Variants in DIP2C observed in about 807,000 individuals in gnomAD.
DIP2C encodes DIP2 acetate--CoA ligase C (putative), also known as disco-interacting protein 2 homolog C.
In DIP2C, 33 loss-of-function variants were observed where a neutral mutation model predicts 192.4. The ratio of observed to expected loss-of-function variants is 0.17; its 90% CI spans 0.13 to 0.23. The LOEUF is 0.23. Ranked by LOEUF, DIP2C falls within the 10% of genes least tolerant of loss-of-function variation. The pLI is 1.00. For missense variants in DIP2C, 1,537 were observed against 2,110.1 expected (o/e 0.73, Z 5.32); for synonymous variants, 979 against 864.1 (o/e 1.13, Z -2.33).
chr10:472,620 A>G, intron 2 of DIP2C, 71 bp from the exon 3 acceptor site: 1 of 1,324,396 alleles, frequency 7.6e-7, no homozygotes. Flanking sequence ...CTAACAAATC[A>G]TGCCCTCCAT....
Position 281,221 on chromosome 10 carries a change from G to C in DIP2C, c.4397C>G (p.Ala1466Gly). Reference protein sequence around the residue: ...PIDIETSVIRAHKSVTECAVF... With the variant: ...PIDIETSVIRGHKSVTECAVF... ...TTACCATTCCGTAACGCTTTTATGG[G>C]CTCTGATGACCGAGGTCTCAATGTC... Residue 1466 changes from alanine to glycine, a missense_variant, in exon 36 of 37, where the codon GCC (alanine) becomes GGC (glycine). Physicochemically the swap from Ala to Gly is moderately conservative, Grantham distance 60. Transcript: ENST00000280886. The C allele has an allele frequency of 6.2e-7, 1 of 1,614,092 alleles. No individual in the cohort carries two copies. Among genetic ancestry groups the C allele is most frequent in the Non-Finnish European group, 8.5e-7 (1 of 1,180,010 alleles).
intron 17 of DIP2C, among the ~76,000 whole-genome samples, chr10:379,339 G>A (rs1962106806): frequency 6.6e-6 from 1 of 151,966 alleles, no homozygotes. Flanking sequence ...GCGGGATACT[G>A]GAGGTTCCAT....
At chr10:625,397 T>C (rs1854133279) in intron 1 of DIP2C, among the ~76,000 whole-genome samples, 1 of 152,216 alleles carries the variant, frequency 6.6e-6, no homozygotes, top group Non-Finnish European at 1.5e-5. Context: ...AATTAAACAC[T>C]GTTCGGAGGC....
chr10:348,813 C>CA lies in DIP2C; in HGVS notation c.3110-52dup, dbSNP rs1958647549. The CA allele has an allele frequency of 5.6e-6, 9 of 1,602,022 alleles. No homozygotes were observed. The East Asian group carries it at 2.0e-4, about 36-fold the overall frequency. ...TTGAAGCAGACCACGCTGCTGAGTG[C>CA]ACACTCTCCCTGTCAGCATCAATGC... On this transcript the variant is annotated intron_variant, in intron 25 of 36. Coordinates refer to ENST00000280886, the MANE Select transcript of DIP2C (RefSeq NM_014974.3).
In DIP2C at chr10:276,991, G is replaced by A. The variant is rs532546822; in HGVS notation, c.*334C>T. The A allele has an allele frequency of 3.8e-4, 85 of 224,066 alleles. No homozygotes were observed. Among genetic ancestry groups the A allele is most frequent in the Non-Finnish European group, 5.5e-4 (62 of 112,734 alleles). The allele number at this position is 224,066 out of a possible 1,614,324, so 13.9% of individuals were successfully genotyped here. On this transcript the variant is annotated 3_prime_UTR_variant, in exon 37 of 37. Coordinates refer to ENST00000280886, the MANE Select transcript of DIP2C (RefSeq NM_014974.3). ...AGGATATTTTTTTAATTGCTATTTC[G>A]GCTTAACAAAATACCACATTTACGA...
At chr10:415,964 C>T in intron 6 of DIP2C, 76 bp from the exon 7 acceptor site, 1 of 1,594,746 alleles carries the variant, frequency 6.3e-7, no homozygotes, top group South Asian at 1.1e-5. Context: ...CACAGTCCCA[C>T]AGCCCCCTCC....
chr10:286,859 A>AGG (rs1955166322), intron 33 of DIP2C, among the ~76,000 whole-genome samples: 1 of 152,210 alleles, frequency 6.6e-6, no homozygotes, highest in African/African-American at 2.4e-5. Context: ...TGACGTTTTC[A>AGG]GGGGTAAGCA....
rs2119127491 is a variant in DIP2C at position 689,596 on chromosome 10, C to A, written c.-18G>T. On this transcript the variant is annotated 5_prime_UTR_variant, in exon 1 of 37. Coordinates refer to ENST00000280886, the MANE Select transcript of DIP2C (RefSeq NM_014974.3). The surrounding 1 kb of genome is among the most constrained non-coding windows in gnomAD (Gnocchi z 6.1). ...TCCGCCATGCTCCGCGGGCGCCGCG[C>A]CCCGCACGGCCTCCTCTTTGTTCGC... 2.6e-6 allele frequency: 3 copies of A among 1,134,542 alleles called. No individual in the cohort carries two copies. The highest frequency in any genetic ancestry group is 4.8e-5 in the Admixed American group (1 of 20,988). 70.3% of individuals were successfully genotyped at this position (1,134,542 alleles called of 1,614,324 possible). A position where few individuals can be genotyped will look rare whatever the true frequency, so the allele number is the denominator to read the frequency against.
intron 23 of DIP2C, 24 bp from the exon 24 acceptor site, chr10:356,530 G>A (rs757240351): frequency 3.8e-6 from 6 of 1,593,782 alleles, no homozygotes; most frequent in Non-Finnish European, 4.3e-6. Context: ...CGGGCATGAG[G>A]ATCAGGCTGT....
intron 3 of DIP2C, among the ~76,000 whole-genome samples, chr10:460,849 C>G (rs188874477): frequency 6.6e-6 from 1 of 152,138 alleles, no homozygotes; most frequent in Non-Finnish European, 1.5e-5. Flanking sequence ...AGACTAACAG[C>G]GGATCTCTCT....
chr10:631,041 G>C (rs985203338), intron 1 of DIP2C: 20 of 152,258 alleles, frequency 1.3e-4, no homozygotes, highest in African/African-American at 4.8e-4. Flanking sequence ...TGGAGGCCTG[G>C]CTCCTCCGCC....
chr10:687,789 T>C (rs1376993115), intron 1 of DIP2C, among the ~76,000 whole-genome samples: 2 of 152,148 alleles, frequency 1.3e-5, no homozygotes, highest in Non-Finnish European at 2.9e-5. Context: ...CCCATTCCCA[T>C]AGACATCCCA....
chr10:333,742 C>T (rs1374347550), intron 29 of DIP2C, among the ~76,000 whole-genome samples: 1 of 152,204 alleles, frequency 6.6e-6, no homozygotes, highest in African/African-American at 2.4e-5. Context: ...TATGAGAATT[C>T]GTTTTTCCAC....
At chr10:477,795 G>A (rs1268924396) in intron 2 of DIP2C, among the ~76,000 whole-genome samples, 4 of 135,386 alleles carry the variant, frequency 3.0e-5, no homozygotes, top group East Asian at 2.3e-4. Flanking sequence ...AGAAAGAAGG[G>A]AAGGAAGGAA....
intron 2 of DIP2C, among the ~76,000 whole-genome samples, chr10:484,165 T>C (rs895660867): frequency 6.6e-6 from 1 of 152,218 alleles, no homozygotes; most frequent in Non-Finnish European, 1.5e-5. Flanking sequence ...AACCTAAAAC[T>C]TCCACCTGCA....
In DIP2C at chr10:504,512, A is replaced by AAAG. The variant is rs1845453049; in HGVS notation, c.86-17983_86-17982insCTT. Among the ~76,000 whole-genome samples, 13 of 152,306 alleles carry AAAG rather than the reference A, an allele frequency of 8.5e-5. No homozygotes were observed. The South Asian group carries it at 2.7e-3, about 32-fold the overall frequency. On this transcript the variant is annotated intron_variant, in intron 1 of 36. Transcript: ENST00000280886. ...CGGGAGAGCGAGGATGGGACTCAGA[A>AAAG]GCTGCAAGATGACCATGCAGAGAAG...
chr10:636,471 T>TGAAG lies in DIP2C; in HGVS notation c.85+53019_85+53022dup, dbSNP rs2131909821. ...GATTCGTTTCTCCTCTGGAGCCAGT[T>TGAAG]GAAGGTGACAGGCTCCTGCCACCTC... On this transcript the variant is annotated intron_variant, in intron 1 of 36. Coordinates refer to ENST00000280886, the MANE Select transcript of DIP2C (RefSeq NM_014974.3). The surrounding 1 kb of genome is among the most constrained non-coding windows in gnomAD (Gnocchi z 4.6). Among the ~76,000 whole-genome samples, 1 of 152,230 alleles carries TGAAG rather than the reference T, an allele frequency of 6.6e-6. No individual in the cohort carries two copies. Among genetic ancestry groups the TGAAG allele is most frequent in the South Asian group, 2.1e-4 (1 of 4,822 alleles).
chr10:456,481 G>A lies in DIP2C; in HGVS notation c.269-15485C>T, dbSNP rs139261960. Among the ~76,000 whole-genome samples, 10 of 152,292 alleles carry A rather than the reference G, an allele frequency of 6.6e-5. No individual in the cohort carries two copies. In the East Asian group the frequency reaches 1.9e-3, roughly 29 times the overall value. On this transcript the variant is annotated intron_variant, in intron 3 of 36. Coordinates refer to ENST00000280886, the MANE Select transcript of DIP2C (RefSeq NM_014974.3). ...TGAGGGGAGACTGTGAGGAGTAAAT[G>A]AGTGACTGAATCAAAGCACTCACAG...
At chr10:444,937 C>T (rs1456031428) in intron 3 of DIP2C, among the ~76,000 whole-genome samples, 1 of 152,228 alleles carries the variant, frequency 6.6e-6, no homozygotes, top group African/African-American at 2.4e-5. Flanking sequence ...CCTTGGTGAA[C>T]ATCTACAGCA....
Sources: gnomAD v4.1 joint callset for allele counts (sites outside exome capture counted in the v4.1 genomes callset) on GRCh38, gnomAD v4.1.1 for gene constraint, Gnocchi (gnomAD v3.1) non-coding constraint, MANE v1.5 for transcripts, NCBI Gene and HGNC (gene_info 2026-07-23, HGNC 2026-07-21) for gene names.